The following CD2AP variants were observed in gnomAD, a reference collection of about 807,000 sequenced individuals.
CD2AP encodes CD2-associated protein.
CD2AP carries 46 observed loss-of-function variants against 85.1 expected under a neutral mutation model. The ratio of observed to expected loss-of-function variants is 0.54; its 90% CI spans 0.43 to 0.69. The LOEUF (loss-of-function observed/expected upper bound fraction) is 0.69. CD2AP is among the 30% of genes least tolerant of loss of function. The pLI, the probability that CD2AP is intolerant of heterozygous loss-of-function variation, is 0.00. For synonymous variants in CD2AP, 255 were observed against 252.9 expected (o/e 1.01, Z -0.08); for missense variants, 769 against 729.5 (o/e 1.05, Z -0.62).
chr6:47,552,854 G>C (rs1362791813), intron 4 of CD2AP, among the ~76,000 whole-genome samples: 1 of 152,112 alleles, frequency 6.6e-6, no homozygotes, highest in Non-Finnish European at 1.5e-5. Context: ...CCCCCAAACA[G>C]CTTGTATTCT....
chr6:47,512,349 AC>A (rs1462915590), intron 2 of CD2AP, among the ~76,000 whole-genome samples: 2 of 152,172 alleles, frequency 1.3e-5, no homozygotes, highest in Non-Finnish European at 1.5e-5. Context: ...CTCAAAAAAA[AC>A]AAACATAAAA....
chr6:47,609,365 C>G (rs951249209), intron 16 of CD2AP, 61 bp downstream of exon 16: 6 of 1,334,426 alleles, frequency 4.5e-6, no homozygotes, highest in African/African-American at 1.4e-5. Context: ...GAATTTTTTT[C>G]AAACCATATT....
chr6:47,519,421 C>A lies in CD2AP; in HGVS notation c.166-14181C>A, dbSNP rs1766528680. On this transcript the variant is annotated intron_variant, in intron 2 of 17. Coordinates refer to ENST00000359314, the MANE Select transcript of CD2AP (RefSeq NM_012120.3). ...CTACTTCAGGAAGAAGATAGTTTGG[C>A]ATTGTGACAGGAGTACGGCCTTTGG... Among the ~76,000 whole-genome samples, 3 of 152,168 alleles carry A rather than the reference C, an allele frequency of 2.0e-5. No homozygotes were observed. In the South Asian group the frequency reaches 6.2e-4, roughly 32 times the overall value.
intron 5 of CD2AP, among the ~76,000 whole-genome samples, chr6:47,557,152 G>A (rs1346750109): frequency 6.8e-6 from 1 of 147,844 alleles, no homozygotes; most frequent in Non-Finnish European, 1.5e-5. Context: ...CATAGCCTTT[G>A]CCCACCTTTT....
At chr6:47,591,256 T>C (rs1267836847) in intron 11 of CD2AP, among the ~76,000 whole-genome samples, 3 of 152,126 alleles carry the variant, frequency 2.0e-5, no homozygotes, top group African/African-American at 7.2e-5. Context: ...GGGGTAGTGA[T>C]TGGGAAGAAG....
Position 47,607,661 on chromosome 6 carries a change from G to A in CD2AP, c.1531-266G>A, listed in dbSNP as rs923146. ...GTACTGGTGGTACTGTAATGTTAAT[G>A]TATTAGCTCTTAAACACTATAGTAC... On this transcript the variant is annotated intron_variant, in intron 14 of 17. Coordinates refer to ENST00000359314, the MANE Select transcript of CD2AP (RefSeq NM_012120.3). Among the ~76,000 whole-genome samples, 91,789 of 151,864 alleles carry A rather than the reference G, an allele frequency of 0.6. 28,548 individuals are homozygous for A. The highest frequency in any genetic ancestry group is 0.74 in the Middle Eastern group (216 of 292).
chr6:47,617,965 C>G (rs1416984052), intron 17 of CD2AP, among the ~76,000 whole-genome samples: 2 of 152,144 alleles, frequency 1.3e-5, no homozygotes, highest in African/African-American at 4.8e-5. Context: ...TCTACAGATT[C>G]TCAAGGCCCT....
rs895943244 is a variant in CD2AP, at chr6:47,589,396, A to G, written c.1109-6465A>G. On this transcript the variant is annotated intron_variant, in intron 11 of 17. Coordinates refer to ENST00000359314, the MANE Select transcript of CD2AP (RefSeq NM_012120.3). ...CTTGAATATACACACACACACACAA[A>G]TGTATATACACACACATATATATAC... 4.4e-4 allele frequency among the ~76,000 whole-genome samples: 66 copies of G among 151,504 alleles called. 1 individual carries two copies. The highest frequency in any genetic ancestry group is 2.5e-3 in the South Asian group (12 of 4,776).
chr6:47,516,216 T>C (rs1253142014), intron 2 of CD2AP, among the ~76,000 whole-genome samples: 1 of 152,236 alleles, frequency 6.6e-6, no homozygotes, highest in Non-Finnish European at 1.5e-5. Flanking sequence ...TTGGTCCAGC[T>C]AGCCAAGTCA....
chr6:47,622,725 C>G (rs577949236), intron 17 of CD2AP, among the ~76,000 whole-genome samples: 1 of 152,318 alleles, frequency 6.6e-6, no homozygotes, highest in East Asian at 1.9e-4. Flanking sequence ...AGTCCGCTTT[C>G]TTCAGAGGGT....
chr6:47,501,682 GTA>G (rs1491006447), intron 1 of CD2AP, among the ~76,000 whole-genome samples: 1 of 150,622 alleles, frequency 6.6e-6, no homozygotes. Context: ...GTGTGTGTGT[GTA>G]TTTTCTTTTT....
chr6:47,577,824 C>T (rs919050700), intron 8 of CD2AP, among the ~76,000 whole-genome samples: 5 of 152,020 alleles, frequency 3.3e-5, no homozygotes, highest in Non-Finnish European at 7.4e-5. Context: ...GCATTCCTCT[C>T]GCTTTGGCCT....
At chr6:47,617,747 C>T (rs1284168564) in intron 17 of CD2AP, among the ~76,000 whole-genome samples, 1 of 152,092 alleles carries the variant, frequency 6.6e-6, no homozygotes, top group Non-Finnish European at 1.5e-5. Flanking sequence ...TTAACCTTTC[C>T]TTCATGGAGT....
chr6:47,544,693 A>G lies in CD2AP; in HGVS notation c.407A>G (p.Asp136Gly). The G allele has an allele frequency of 2.5e-6, 4 of 1,604,000 alleles. No individual in the cohort carries two copies. Among genetic ancestry groups the G allele is most frequent in the Non-Finnish European group, 3.4e-6 (4 of 1,171,028 alleles). Reference protein sequence around the residue: ...ELELKVGDIIDINEEVEEGWW... With the variant: ...ELELKVGDIIGINEEVEEGWW... The stretch of plus-strand genomic sequence containing the variant: ...GAGCTGAAAGTGGGAGATATTATTG[A>G]TATTAATGAAGAGGTAAGGAAAAAA... Residue 136 changes from aspartate (D) to glycine (G), a missense_variant, in exon 4 of 18, where the codon GAT becomes GGT. Transcript: ENST00000359314.
rs1437000699 is a variant in CD2AP at position 47,609,475 on chromosome 6, G to T, written c.1814+171G>T. 20 of 445,952 alleles carry T rather than the reference G, an allele frequency of 4.5e-5. 1 individual carries two copies. The highest frequency in any genetic ancestry group is 7.7e-5 in the Non-Finnish European group (19 of 246,038). The allele number at this position is 445,952 out of a possible 1,614,324, so 27.6% of individuals were successfully genotyped here. A position where few individuals can be genotyped will look rare whatever the true frequency, so the allele number is the denominator to read the frequency against. On this transcript the variant is annotated intron_variant, in intron 16 of 17. Coordinates refer to ENST00000359314, the MANE Select transcript of CD2AP (RefSeq NM_012120.3). ...GAGGATTGCTTGAGTCCAGGAGTTC[G>T]AGACCAGCCTGGACGACATGACAAA... is the stretch of plus-strand genomic sequence containing the variant.
intron 5 of CD2AP, among the ~76,000 whole-genome samples, chr6:47,556,828 G>C (rs1305630173): frequency 2.0e-5 from 3 of 152,090 alleles, no homozygotes; most frequent in African/African-American, 7.2e-5. Context: ...ATAATCCTTT[G>C]GGTGTATACC....
In CD2AP at chr6:47,626,355, C is replaced by G. The variant is rs914985726; in HGVS notation, c.*2128C>G. ...ATGATTCCTTTATTCTAGCAACTTA[C>G]TTTCTGTTGGTATGGGAAATGTTAT... On this transcript the variant is annotated 3_prime_UTR_variant, in exon 18 of 18. Coordinates refer to ENST00000359314, the MANE Select transcript of CD2AP (RefSeq NM_012120.3). The G allele has an allele frequency of 1.3e-5, 2 of 152,348 alleles. No homozygotes were observed. Among genetic ancestry groups the G allele is most frequent in the East Asian group, 3.9e-4 (2 of 5,192 alleles). 9.4% of individuals were successfully genotyped at this position (152,348 alleles called of 1,614,324 possible). A position where few individuals can be genotyped will look rare whatever the true frequency, so the allele number is the denominator to read the frequency against.
chr6:47,544,299 A>G (rs1036816267), intron 3 of CD2AP, among the ~76,000 whole-genome samples: 2 of 152,318 alleles, frequency 1.3e-5, no homozygotes, highest in South Asian at 2.1e-4. Context: ...TTGTTGTGCC[A>G]GAAGTGTCTT....
At chr6:47,579,299 C>T (rs1174961334) in intron 8 of CD2AP, 86 bp from the exon 9 acceptor site, 2 of 791,482 alleles carry the variant, frequency 2.5e-6, no homozygotes, top group Non-Finnish European at 4.3e-6. Context: ...CGCATCACTG[C>T]ACTTCAGCCT....
Sources: gnomAD v4.1 joint callset for allele counts (sites outside exome capture counted in the v4.1 genomes callset) on GRCh38, gnomAD v4.1.1 for gene constraint, MANE v1.5 for transcripts, NCBI Gene and HGNC (gene_info 2026-07-23, HGNC 2026-07-21) for gene names.